HS3ST4: variants seen among roughly 807,000 people sequenced by gnomAD.
HS3ST4 encodes heparan sulfate-glucosamine 3-sulfotransferase 4.
HS3ST4 carries 17 observed loss-of-function variants against 29.2 expected under a neutral mutation model. The ratio of observed to expected loss-of-function variants is 0.58; its 90% confidence interval spans 0.40 to 0.87. HS3ST4 has a LOEUF of 0.87. Ranked by LOEUF, HS3ST4 falls within the 40% of genes least tolerant of loss-of-function variation. The pLI is 0.00. For missense variants in HS3ST4, 627 were observed against 634.5 expected, an observed-to-expected ratio of 0.99 and a Z score of 0.13; for synonymous variants, 314 against 285.7, an observed-to-expected ratio of 1.10 and a Z score of -1.00.
chr16:25,802,551 A>G (rs772936398), intron 1 of HS3ST4, among the ~76,000 whole-genome samples: 20 of 152,002 alleles, frequency 1.3e-4, no homozygotes, highest in Non-Finnish European at 2.9e-4. Flanking sequence ...CTTTTTCAAT[A>G]TATTTTGGGC....
intron 1 of HS3ST4, among the ~76,000 whole-genome samples, chr16:25,783,224 A>G (rs1197699264): frequency 6.6e-6 from 1 of 152,062 alleles, no homozygotes; most frequent in Non-Finnish European, 1.5e-5. Context: ...TCACCAATCT[A>G]ATTATCACTT....
Position 25,990,165 on chromosome 16 carries a change from A to G in HS3ST4, c.735-145447A>G, listed in dbSNP as rs139629905. Among the ~76,000 whole-genome samples the G allele has an allele frequency of 6.4e-3, 971 of 152,320 alleles. 11 individuals carry two copies. Among genetic ancestry groups the G allele is most frequent in the African/African-American group, 0.023 (941 of 41,572 alleles). On this transcript the variant is annotated intron_variant, in intron 1 of 1. Coordinates refer to ENST00000331351, the MANE Select transcript of HS3ST4 (RefSeq NM_006040.3). ...ATGTATCACATTCACCTACTGAAGG[A>G]CATCCTCGTTGCTTCCAAATTTTGG...
intron 1 of HS3ST4, among the ~76,000 whole-genome samples, chr16:25,778,887 A>C (rs545190844): frequency 6.0e-4 from 91 of 152,324 alleles, no homozygotes; most frequent in Admixed American, 1.0e-3. Context: ...TTTGGACTCA[A>C]CGATTGCAAA....
chr16:25,861,571 A>AAGGATAACAAATGAGAGTG (rs1967637356), intron 1 of HS3ST4, among the ~76,000 whole-genome samples: 1 of 152,158 alleles, frequency 6.6e-6, no homozygotes, highest in Non-Finnish European at 1.5e-5. Context: ...GCGCACCAAA[A>AAGGATAACAAATGAGAGTG]AGGATAACAA....
At chr16:25,841,259 C>T (rs1967410456) in intron 1 of HS3ST4, among the ~76,000 whole-genome samples, 1 of 151,964 alleles carries the variant, frequency 6.6e-6, no homozygotes. Context: ...CCCTCCTCGG[C>T]CTCCCAAAGC....
chr16:26,010,764 A>G (rs547225698), intron 1 of HS3ST4, among the ~76,000 whole-genome samples: 2 of 152,344 alleles, frequency 1.3e-5, no homozygotes, highest in East Asian at 1.9e-4. Context: ...TTCACAGAGG[A>G]GGCCATGTCT....
At chr16:26,134,358 T>A (rs1898251254) in intron 1 of HS3ST4, among the ~76,000 whole-genome samples, 1 of 75,502 alleles carries the variant, frequency 1.3e-5, no homozygotes, top group Non-Finnish European at 2.8e-5. Flanking sequence ...TTTTCTTTTC[T>A]TTTCTTTTTT....
chr16:25,721,099 G>T (rs1361670785), intron 1 of HS3ST4, among the ~76,000 whole-genome samples: 1 of 152,252 alleles, frequency 6.6e-6, no homozygotes, highest in Non-Finnish European at 1.5e-5. Flanking sequence ...ACTGAGAAGT[G>T]AGAGTTTTGT....
chr16:25,960,935 C>G (rs1191757482), intron 1 of HS3ST4, among the ~76,000 whole-genome samples: 1 of 152,216 alleles, frequency 6.6e-6, no homozygotes, highest in African/African-American at 2.4e-5. Flanking sequence ...AATCCCCAAA[C>G]TCACTGCTGA....
intron 1 of HS3ST4, among the ~76,000 whole-genome samples, chr16:25,707,681 C>A (rs1159878779): frequency 1.3e-5 from 2 of 152,178 alleles, no homozygotes; most frequent in Admixed American, 6.6e-5. Flanking sequence ...CTATTCACTG[C>A]TTTAGCCACA....
At chr16:25,813,346 C>T (rs979329358) in intron 1 of HS3ST4, among the ~76,000 whole-genome samples, 8 of 152,078 alleles carry the variant, frequency 5.3e-5, no homozygotes, top group East Asian at 3.9e-4. Flanking sequence ...TTGCTTGGGC[C>T]GGGTGCGGTG....
chr16:26,104,906 T>C (rs1447701387), intron 1 of HS3ST4, among the ~76,000 whole-genome samples: 2 of 152,218 alleles, frequency 1.3e-5, no homozygotes, highest in Non-Finnish European at 2.9e-5. Flanking sequence ...CTCAATCTAC[T>C]GGCAAATTCT....
At chr16:26,015,364 G>C (rs1320771150) in intron 1 of HS3ST4, among the ~76,000 whole-genome samples, 1 of 152,196 alleles carries the variant, frequency 6.6e-6, no homozygotes, top group Non-Finnish European at 1.5e-5. Flanking sequence ...GGGAATGGGG[G>C]TCCCAAATGC....
intron 1 of HS3ST4, among the ~76,000 whole-genome samples, chr16:25,742,531 A>G (rs964333327): frequency 1.3e-5 from 2 of 152,214 alleles, no homozygotes; most frequent in Non-Finnish European, 2.9e-5. Flanking sequence ...CCAGGTAAAC[A>G]TGACAGAGAA....
intron 1 of HS3ST4, among the ~76,000 whole-genome samples, chr16:25,954,063 G>A (rs2141698351): frequency 6.6e-6 from 1 of 152,312 alleles, no homozygotes; most frequent in East Asian, 1.9e-4. Flanking sequence ...TGAATACTTA[G>A]GGGATATAGG....
intron 1 of HS3ST4, among the ~76,000 whole-genome samples, chr16:25,974,813 G>T (rs1318230076): frequency 6.6e-6 from 1 of 152,006 alleles, no homozygotes; most frequent in African/African-American, 2.4e-5. Flanking sequence ...CACACTTCTG[G>T]TTCTTAAATA....
At chr16:25,783,872 G>A (rs1178588090) in intron 1 of HS3ST4, among the ~76,000 whole-genome samples, 2 of 152,160 alleles carry the variant, frequency 1.3e-5, no homozygotes, top group East Asian at 3.9e-4. Context: ...TAATTTTTGT[G>A]CTTCACTGCA....
intron 1 of HS3ST4, among the ~76,000 whole-genome samples, chr16:25,860,211 A>C (rs376828410): frequency 6.6e-6 from 1 of 152,142 alleles, no homozygotes. Context: ...ACAACACCAA[A>C]TGCTGGTGAG....
intron 1 of HS3ST4, among the ~76,000 whole-genome samples, chr16:25,809,944 T>A (rs1351121679): frequency 1.3e-5 from 2 of 152,072 alleles, no homozygotes; most frequent in African/African-American, 4.8e-5. Flanking sequence ...AGCTATTTGT[T>A]TCATTGATTT....
Sources: allele counts gnomAD v4.1 joint callset (sites outside exome capture counted in the v4.1 genomes callset), GRCh38; gene constraint gnomAD v4.1.1; transcripts MANE v1.5; gene names NCBI Gene and HGNC (gene_info 2026-07-23, HGNC 2026-07-21).